The following TIAM2 variants were observed in gnomAD, a reference collection of about 807,000 sequenced individuals.
TIAM2 encodes the protein rho guanine nucleotide exchange factor TIAM2.
A neutral mutation model predicts 152.9 loss-of-function variants in TIAM2; 80 were observed. The observed-to-expected ratio is 0.52, with a 90% CI of 0.44 to 0.63. TIAM2 has a LOEUF of 0.63. TIAM2 is among the 30% of genes least tolerant of loss of function. The pLI, the probability that TIAM2 is intolerant of heterozygous loss-of-function variation, is 0.00. For synonymous variants in TIAM2, 804 were observed against 838.0 expected (o/e 0.96, Z 0.70); for missense variants, 1,965 against 2,120.1 (o/e 0.93, Z 1.44).
At chr6:155,114,794 G>A (rs1333258856) in intron 2 of TIAM2, among the ~76,000 whole-genome samples, 1 of 152,072 alleles carries the variant, frequency 6.6e-6, no homozygotes, top group Non-Finnish European at 1.5e-5. Flanking sequence ...GGCATGGATT[G>A]ATCAGAACCA....
chr6:155,112,705 A>C lies in TIAM2; in HGVS notation c.-117-14785A>C, dbSNP rs75353940. 6.9e-3 allele frequency among the ~76,000 whole-genome samples: 1,045 copies of C among 152,112 alleles called. 6 individuals carry two copies. Among genetic ancestry groups the C allele is most frequent in the Admixed American group, 0.013 (192 of 15,288 alleles). On this transcript the variant is annotated intron_variant, in intron 2 of 26. Transcript: ENST00000682666. ...CAGCTTGTCCAAAACTGAACTCCTCATCTTGCCCGCGGAAGCCTGCTCTGC... is the reference window on the plus strand; with the variant it reads ...CAGCTTGTCCAAAACTGAACTCCTCCTCTTGCCCGCGGAAGCCTGCTCTGC...
chr6:155,045,054 T>C (rs528517241), intron 1 of TIAM2, among the ~76,000 whole-genome samples: 7 of 145,668 alleles, frequency 4.8e-5, no homozygotes, highest in South Asian at 2.2e-4. Flanking sequence ...CTTTTTCTTT[T>C]TTTTTTTTTT....
chr6:155,163,254 C>G (rs945579850), intron 7 of TIAM2, among the ~76,000 whole-genome samples: 4 of 152,146 alleles, frequency 2.6e-5, no homozygotes, highest in Non-Finnish European at 5.9e-5. Context: ...CACTTACAGA[C>G]CTTCTCTTGA....
At chr6:155,126,671 C>T (rs1467437848) in intron 2 of TIAM2, among the ~76,000 whole-genome samples, 1 of 152,088 alleles carries the variant, frequency 6.6e-6, no homozygotes, top group Non-Finnish European at 1.5e-5. Flanking sequence ...GCGGAGGTTG[C>T]AGTGAGCCGA....
rs3011902 is a variant in TIAM2 at position 155,249,979 on chromosome 6, A to G, written c.3951+10A>G. Reference sequence around the variant, plus strand: ...CGGAACAGAGAAGGAGGTCCGTGAGACATCTGCACCCTGGGAGCCTAGTGC... The same window carrying G: ...CGGAACAGAGAAGGAGGTCCGTGAGGCATCTGCACCCTGGGAGCCTAGTGC... On this transcript the variant is annotated intron_variant, in intron 21 of 26. Coordinates refer to ENST00000682666, the MANE Select transcript of TIAM2 (RefSeq NM_012454.4). The G allele has an allele frequency of 0.99, 1,590,816 of 1,607,164 alleles. 787,509 individuals carry two copies. Among genetic ancestry groups the G allele is most frequent in the East Asian group, 1 (44,785 of 44,792 alleles).
intron 14 of TIAM2, among the ~76,000 whole-genome samples, chr6:155,201,183 T>C (rs549714017): frequency 5.3e-5 from 8 of 152,354 alleles, no homozygotes; most frequent in African/African-American, 1.2e-4. Context: ...CAATTTCGCC[T>C]TCTTTTAATC....
chr6:155,255,300 C>G (rs1455345173), intron 26 of TIAM2: 2 of 152,176 alleles, frequency 1.3e-5, no homozygotes, highest in African/African-American at 4.8e-5. Context: ...TATACTCGTT[C>G]TTAATCGATA....
At chr6:155,148,432 A>C (rs1374943218) in intron 7 of TIAM2, 98 bp downstream of exon 7, 10 of 1,225,832 alleles carry the variant, frequency 8.2e-6, no homozygotes, top group Non-Finnish European at 1.2e-5. Context: ...CTTGGCTCAC[A>C]TCTTGGTGGT....
intron 1 of TIAM2, among the ~76,000 whole-genome samples, chr6:155,037,452 G>T (rs73571658): frequency 0.034 from 5,151 of 152,042 alleles, 293 homozygotes; most frequent in African/African-American, 0.12. Context: ...TCATCACCTG[G>T]AACTAAATGC....
At chr6:155,013,603 T>C (rs1449513072) in intron 1 of TIAM2, 1 of 152,140 alleles carries the variant, frequency 6.6e-6, no homozygotes, top group Non-Finnish European at 1.5e-5. Flanking sequence ...ATATCCTTCC[T>C]CCCAACTCTT....
intron 1 of TIAM2, among the ~76,000 whole-genome samples, chr6:155,006,934 A>C (rs192456860): frequency 6.6e-6 from 1 of 152,092 alleles, no homozygotes; most frequent in East Asian, 2.0e-4. Context: ...CAAGTGATCC[A>C]CTTGCCTTGG....
chr6:155,001,880 TAATA>T (rs1778317576), intron 1 of TIAM2, among the ~76,000 whole-genome samples: 1 of 152,224 alleles, frequency 6.6e-6, no homozygotes, highest in African/African-American at 2.4e-5. Context: ...GGAAATGGCT[TAATA>T]AATAAGCTTG....
At chr6:155,196,582 T>C (rs1018307062) in intron 14 of TIAM2, among the ~76,000 whole-genome samples, 13 of 152,182 alleles carry the variant, frequency 8.5e-5, no homozygotes, top group African/African-American at 2.7e-4. Flanking sequence ...AATGAAAACG[T>C]TATCTATAAA....
At chr6:155,138,298 C>T (rs1779603825) in intron 5 of TIAM2, among the ~76,000 whole-genome samples, 1 of 152,142 alleles carries the variant, frequency 6.6e-6, no homozygotes, top group South Asian at 2.1e-4. Flanking sequence ...TTTCACATTC[C>T]GTACATGTTC....
At chr6:155,178,846 A>T (rs999004580) in intron 10 of TIAM2, among the ~76,000 whole-genome samples, 193 bp from the exon 11 acceptor site, 2 of 152,156 alleles carry the variant, frequency 1.3e-5, no homozygotes, top group African/African-American at 4.8e-5. Context: ...AAGTGCTGGG[A>T]TTACAGGTGT....
At chr6:155,147,806 C>T (rs932278769) in intron 6 of TIAM2, among the ~76,000 whole-genome samples, 1 of 152,054 alleles carries the variant, frequency 6.6e-6, no homozygotes. Context: ...TAGAGAGTGG[C>T]GTAATGTATC....
intron 1 of TIAM2, among the ~76,000 whole-genome samples, chr6:155,020,935 G>C (rs1776466688): frequency 6.6e-6 from 1 of 152,066 alleles, no homozygotes; most frequent in Admixed American, 6.6e-5. Context: ...CTGTCTCTAT[G>C]AATTTGACTG....
At chr6:155,043,946 C>T (rs1207540756) in intron 1 of TIAM2, among the ~76,000 whole-genome samples, 1 of 152,112 alleles carries the variant, frequency 6.6e-6, no homozygotes, top group East Asian at 1.9e-4. Flanking sequence ...TGTACACATG[C>T]CACTGGGTAC....
chr6:155,245,804 A>C, intron 19 of TIAM2, 73 bp downstream of exon 19: 2 of 1,014,774 alleles, frequency 2.0e-6, no homozygotes, highest in Non-Finnish European at 2.8e-6. Context: ...GTAAATCTGT[A>C]TTTAACAAGT....
Sources: allele counts gnomAD v4.1 joint callset (sites outside exome capture counted in the v4.1 genomes callset), GRCh38; gene constraint gnomAD v4.1.1; transcripts MANE v1.5; gene names NCBI Gene and HGNC (gene_info 2026-07-23, HGNC 2026-07-21).